The following GPC5 variants were observed in gnomAD, a reference collection of about 807,000 sequenced individuals.
The protein encoded by GPC5 is glypican 5.
GPC5 carries 47 observed loss-of-function variants against 53.9 expected under a neutral mutation model. The observed-to-expected ratio is 0.87, with a 90% CI of 0.69 to 1.11. The LOEUF (loss-of-function observed/expected upper bound fraction) is 1.11. GPC5 is among the 50% of genes most tolerant of loss of function. GPC5 has a pLI of 0.00. For missense variants in GPC5, 748 were observed against 713.1 expected, an observed-to-expected ratio of 1.05 and a Z score of -0.56; for synonymous variants, 286 against 263.3, an observed-to-expected ratio of 1.09 and a Z score of -0.84.
chr13:92,644,051 T>C (rs1885682957), intron 7 of GPC5, among the ~76,000 whole-genome samples: 1 of 152,106 alleles, frequency 6.6e-6, no homozygotes, highest in African/African-American at 2.4e-5. Context: ...TGGGGGTAGG[T>C]AGGAGGAGGA....
At chr13:92,231,316 C>T (rs1177847834) in intron 7 of GPC5, among the ~76,000 whole-genome samples, 1 of 152,162 alleles carries the variant, frequency 6.6e-6, no homozygotes, top group Non-Finnish European at 1.5e-5. Flanking sequence ...CTCCACAGTG[C>T]ATGTTATCTC....
intron 2 of GPC5, among the ~76,000 whole-genome samples, chr13:91,491,408 C>T (rs1240632024): frequency 6.6e-6 from 1 of 152,088 alleles, no homozygotes; most frequent in Non-Finnish European, 1.5e-5. Context: ...CGGCATATAA[C>T]CTACTTTTAT....
At chr13:91,872,830 G>A (rs1346735010) in intron 5 of GPC5, among the ~76,000 whole-genome samples, 1 of 152,010 alleles carries the variant, frequency 6.6e-6, no homozygotes, top group Non-Finnish European at 1.5e-5. Context: ...ATTAAATCTG[G>A]CAAATGATAT....
intron 7 of GPC5, among the ~76,000 whole-genome samples, chr13:92,197,553 G>A (rs2042265587): frequency 6.6e-6 from 1 of 152,034 alleles, no homozygotes; most frequent in Non-Finnish European, 1.5e-5. Context: ...GATGGAGTGT[G>A]GTGGTACAAC....
chr13:92,481,384 AC>A (rs1485396393), intron 7 of GPC5, among the ~76,000 whole-genome samples: 1 of 152,064 alleles, frequency 6.6e-6, no homozygotes, highest in African/African-American at 2.4e-5. Flanking sequence ...TGCAGGCATG[AC>A]CCACCGCGCC....
chr13:91,840,620 G>A (rs1458217835), intron 5 of GPC5, among the ~76,000 whole-genome samples: 2 of 151,274 alleles, frequency 1.3e-5, no homozygotes, highest in East Asian at 3.9e-4. Flanking sequence ...AATCACATTT[G>A]ACCATGTAAT....
At chr13:92,586,966 G>GCA (rs56052352) in intron 7 of GPC5, among the ~76,000 whole-genome samples, 21,121 of 150,714 alleles carry the variant, frequency 0.14, 1,989 homozygotes, top group African/African-American at 0.26. Context: ...ACACACACGC[G>GCA]CACACACACA....
intron 2 of GPC5, among the ~76,000 whole-genome samples, chr13:91,519,439 G>A (rs530754330): frequency 1.7e-4 from 26 of 152,176 alleles, no homozygotes; most frequent in Middle Eastern, 3.4e-3. Context: ...TCATGGGATC[G>A]GACTTTCCTC....
intron 7 of GPC5, among the ~76,000 whole-genome samples, chr13:92,156,333 GC>G (rs2138999777): frequency 6.6e-6 from 1 of 152,220 alleles, no homozygotes; most frequent in South Asian, 2.1e-4. Flanking sequence ...TTATAACAGA[GC>G]CCTTGCATCC....
chr13:91,670,760 G>A (rs979299045), intron 2 of GPC5, among the ~76,000 whole-genome samples: 34 of 152,092 alleles, frequency 2.2e-4, no homozygotes, highest in African/African-American at 8.2e-4. Flanking sequence ...TAATTTCTGG[G>A]GCTGTCCTTA....
At chr13:92,186,445 G>A (rs988935301) in intron 7 of GPC5, among the ~76,000 whole-genome samples, 2 of 151,700 alleles carry the variant, frequency 1.3e-5, no homozygotes, top group Admixed American at 1.3e-4. Context: ...TATATAATGA[G>A]TAAATTTTGG....
chr13:92,546,717 C>A (rs1298792331), intron 7 of GPC5, among the ~76,000 whole-genome samples: 2 of 152,166 alleles, frequency 1.3e-5, no homozygotes, highest in Non-Finnish European at 2.9e-5. Flanking sequence ...CAAGTCAATC[C>A]TAAGCCAAAA....
chr13:91,619,682 C>T (rs1294585593), intron 2 of GPC5, among the ~76,000 whole-genome samples: 1 of 152,020 alleles, frequency 6.6e-6, no homozygotes, highest in African/African-American at 2.4e-5. Flanking sequence ...CAATGATGTG[C>T]CGATCTGTAT....
chr13:91,921,724 T>A (rs1594665181), intron 6 of GPC5, among the ~76,000 whole-genome samples: 1 of 150,476 alleles, frequency 6.6e-6, no homozygotes, highest in Non-Finnish European at 1.5e-5. Context: ...CGTGGTAGGG[T>A]CACTTAAGGC....
In GPC5 at chr13:92,421,698, C is replaced by CAA. The variant is rs34055682; in HGVS notation, c.1561+276730_1561+276731dup. ...TGTGCCACAGAGCAAGACTCCGTCTCAAAAAAAAAAAAAAAAAAAAAAGTT... is the reference window on the plus strand; with the variant it reads ...TGTGCCACAGAGCAAGACTCCGTCTCAAAAAAAAAAAAAAAAAAAAAAAAGTT... On this transcript the variant is annotated intron_variant, in intron 7 of 7. Transcript: ENST00000377067. 3.7e-3 allele frequency among the ~76,000 whole-genome samples: 260 copies of CAA among 69,468 alleles called. 11 individuals carry two copies. The highest frequency in any genetic ancestry group is 0.013 in the African/African-American group (210 of 15,990). 45.6% of individuals were successfully genotyped at this position (69,468 alleles called of 152,430 possible).
intron 7 of GPC5, among the ~76,000 whole-genome samples, chr13:92,537,153 A>G (rs1881751484): frequency 6.6e-6 from 1 of 152,182 alleles, no homozygotes; most frequent in East Asian, 1.9e-4. Flanking sequence ...CTCGTAAACA[A>G]TCTTTTAAAT....
rs140738141 is a variant in GPC5 at position 92,331,285 on chromosome 13, T to C, written c.1561+186296T>C. On this transcript the variant is annotated intron_variant, in intron 7 of 7. Transcript: ENST00000377067. The stretch of plus-strand genomic sequence containing the variant: ...GTAGAAATATATTTTAAAGCACAAT[T>C]ATTACAAAATGCTTCCAGTTTCTAT... Among the ~76,000 whole-genome samples the C allele has an allele frequency of 7.7e-3, 1,179 of 152,208 alleles. 11 individuals are homozygous for C. The highest frequency in any genetic ancestry group is 0.068 in the Middle Eastern group (20 of 294).
chr13:92,681,021 G>A (rs1421090885), intron 7 of GPC5, among the ~76,000 whole-genome samples: 3 of 151,818 alleles, frequency 2.0e-5, no homozygotes, highest in African/African-American at 4.8e-5. Flanking sequence ...ACTGTGAAGA[G>A]CTATTCTAGT....
intron 2 of GPC5, among the ~76,000 whole-genome samples, chr13:91,644,484 C>T (rs543684010): frequency 2.0e-5 from 3 of 152,158 alleles, no homozygotes; most frequent in Non-Finnish European, 4.4e-5. Flanking sequence ...AGGTATTTCT[C>T]TACTTGTTAA....
Sources: allele counts gnomAD v4.1 joint callset (sites outside exome capture counted in the v4.1 genomes callset), GRCh38; gene constraint gnomAD v4.1.1; transcripts MANE v1.5; gene names NCBI Gene and HGNC (gene_info 2026-07-23, HGNC 2026-07-21).